Variants in TRIM44 observed in about 807,000 individuals in gnomAD.
TRIM44 encodes the protein tripartite motif containing 44, also known as tripartite motif-containing protein 44.
In TRIM44, 13 loss-of-function variants were observed where a neutral mutation model predicts 37.4. That is an observed-to-expected ratio of 0.35 (90% confidence interval 0.23 to 0.55). The LOEUF is 0.55. Among genes scored for constraint, TRIM44 ranks in the 20% least tolerant of loss-of-function variants. The pLI, the probability that TRIM44 is intolerant of heterozygous loss-of-function variation, is 0.89. For missense variants in TRIM44, 426 were observed against 437.2 expected, an observed-to-expected ratio of 0.97 and a Z score of 0.23; for synonymous variants, 175 against 157.2, an observed-to-expected ratio of 1.11 and a Z score of -0.85.
chr11:35,709,057 C>T (rs556875697), intron 2 of TRIM44, among the ~76,000 whole-genome samples: 2 of 151,326 alleles, frequency 1.3e-5, no homozygotes, highest in South Asian at 2.1e-4. Flanking sequence ...TCAGGTAAAA[C>T]GTACCCCATT....
chr11:35,720,925 T>A (rs1220390172), intron 2 of TRIM44, among the ~76,000 whole-genome samples: 1 of 151,090 alleles, frequency 6.6e-6, no homozygotes, highest in Non-Finnish European at 1.5e-5. Flanking sequence ...TTTTTTTTTT[T>A]AACAGTCTTG....
intron 1 of TRIM44, among the ~76,000 whole-genome samples, chr11:35,671,130 T>C (rs1851388842): frequency 6.6e-6 from 1 of 152,202 alleles, no homozygotes; most frequent in African/African-American, 2.4e-5. Context: ...ATTGGGAATA[T>C]AGCAGTGAAC....
At chr11:35,718,944 G>C (rs1032027432) in intron 2 of TRIM44, among the ~76,000 whole-genome samples, 1 of 149,188 alleles carries the variant, frequency 6.7e-6, no homozygotes, top group Non-Finnish European at 1.5e-5. Context: ...TTAATATTCT[G>C]TTGTCTGGAT....
chr11:35,697,397 C>G (rs1336322824), intron 2 of TRIM44, among the ~76,000 whole-genome samples: 13 of 149,470 alleles, frequency 8.7e-5, no homozygotes, highest in African/African-American at 2.7e-4. Flanking sequence ...ATAAACTCAT[C>G]CTTTTTTATG....
intron 1 of TRIM44, among the ~76,000 whole-genome samples, chr11:35,669,651 A>G (rs1414017062): frequency 1.3e-5 from 2 of 151,676 alleles, no homozygotes; most frequent in African/African-American, 4.8e-5. Context: ...AATTTTTTAT[A>G]TTTCTAGTAT....
intron 1 of TRIM44, among the ~76,000 whole-genome samples, chr11:35,672,863 C>T (rs1851413863): frequency 6.6e-6 from 1 of 152,160 alleles, no homozygotes; most frequent in Non-Finnish European, 1.5e-5. Flanking sequence ...GTTTGTAGCA[C>T]TGGCATACAT....
intron 4 of TRIM44, among the ~76,000 whole-genome samples, chr11:35,761,471 C>T (rs1852727880): frequency 1.3e-5 from 2 of 151,918 alleles, no homozygotes; most frequent in South Asian, 4.1e-4. Flanking sequence ...ACTCATGAAC[C>T]CATGGCCATT....
intron 4 of TRIM44, among the ~76,000 whole-genome samples, chr11:35,767,539 G>T (rs1437336508): frequency 2.0e-5 from 3 of 151,700 alleles, no homozygotes; most frequent in Non-Finnish European, 4.4e-5. Context: ...ATGTCTCTGT[G>T]CTGTGGTGGG....
intron 4 of TRIM44, among the ~76,000 whole-genome samples, chr11:35,790,554 T>C (rs1009387469): frequency 6.6e-6 from 1 of 151,806 alleles, no homozygotes; most frequent in African/African-American, 2.4e-5. Flanking sequence ...CTCTATTTGA[T>C]GTTTTTATGT....
At chr11:35,753,814 C>T (rs1414303038) in intron 4 of TRIM44, among the ~76,000 whole-genome samples, 2 of 151,894 alleles carry the variant, frequency 1.3e-5, no homozygotes, top group Non-Finnish European at 2.9e-5. Flanking sequence ...GTGCAATCTC[C>T]GCCTCCTGGG....
intron 1 of TRIM44, among the ~76,000 whole-genome samples, chr11:35,669,698 T>G (rs1851371466): frequency 6.6e-6 from 1 of 151,922 alleles, no homozygotes; most frequent in Non-Finnish European, 1.5e-5. Context: ...AGATTGGTCT[T>G]GAACTCCTGG....
chr11:35,708,838 C>G (rs1373156197), intron 2 of TRIM44, among the ~76,000 whole-genome samples: 1 of 151,824 alleles, frequency 6.6e-6, no homozygotes, highest in Non-Finnish European at 1.5e-5. Flanking sequence ...GTGCAGCACA[C>G]CAGCATGGCA....
intron 1 of TRIM44, among the ~76,000 whole-genome samples, chr11:35,665,264 G>A (rs1253512672): frequency 6.6e-6 from 1 of 151,994 alleles, no homozygotes; most frequent in Non-Finnish European, 1.5e-5. Context: ...TGAAATTGCT[G>A]TGTCAGAGGC....
At chr11:35,732,737 A>T (rs529996360) in intron 3 of TRIM44, among the ~76,000 whole-genome samples, 4 of 152,294 alleles carry the variant, frequency 2.6e-5, no homozygotes, top group Middle Eastern at 3.4e-3. Context: ...ATAGATAGGA[A>T]TTAGCTAGGT....
intron 4 of TRIM44, among the ~76,000 whole-genome samples, chr11:35,754,924 T>G (rs1852612891): frequency 6.6e-6 from 1 of 152,226 alleles, no homozygotes; most frequent in African/African-American, 2.4e-5. Context: ...TTTGGATTGG[T>G]TCCAAGTCTT....
At chr11:35,765,963 G>A (rs1253283713) in intron 4 of TRIM44, among the ~76,000 whole-genome samples, 3 of 152,174 alleles carry the variant, frequency 2.0e-5, no homozygotes, top group Non-Finnish European at 4.4e-5. Context: ...AAAGGATATG[G>A]TACATTTCAT....
intron 4 of TRIM44, among the ~76,000 whole-genome samples, chr11:35,803,642 AC>A (rs1279085523): frequency 6.6e-6 from 1 of 152,018 alleles, no homozygotes; most frequent in Admixed American, 6.6e-5. Flanking sequence ...AATCGCTTGA[AC>A]CCGGGAGGCG....
Position 35,743,849 on chromosome 11 carries a change from A to G in TRIM44, c.1007+8404A>G, listed in dbSNP as rs189004230. On this transcript the variant is annotated intron_variant, in intron 4 of 4. Coordinates refer to ENST00000299413, the MANE Select transcript of TRIM44 (RefSeq NM_017583.6). ...TGTCCATGATACCTTGGCGTGAACT[A>G]GAAAAAGGTGCCCTTTCCTCAAGAT... Among the ~76,000 whole-genome samples, 438 of 152,324 alleles carry G rather than the reference A, an allele frequency of 2.9e-3. 4 individuals are homozygous for G. The highest frequency in any genetic ancestry group is 3.4e-3 in the Middle Eastern group (1 of 294).
intron 3 of TRIM44, among the ~76,000 whole-genome samples, chr11:35,733,017 A>G (rs972606886): frequency 4.6e-5 from 7 of 152,208 alleles, no homozygotes; most frequent in African/African-American, 1.7e-4. Flanking sequence ...ATTAATTAAC[A>G]ATTCAAGGAA....
Sources: allele counts gnomAD v4.1 joint callset (sites outside exome capture counted in the v4.1 genomes callset), GRCh38; gene constraint gnomAD v4.1.1; transcripts MANE v1.5; gene names NCBI Gene and HGNC (gene_info 2026-07-23, HGNC 2026-07-21).